The following PCDH9 variants were observed in gnomAD, a reference collection of about 807,000 sequenced individuals.
PCDH9 encodes protocadherin-9.
Under a neutral mutation model 70.6 loss-of-function variants are expected in PCDH9, and 24 were observed. The ratio of observed to expected loss-of-function variants is 0.34; its 90% CI spans 0.25 to 0.48. The LOEUF (loss-of-function observed/expected upper bound fraction) is 0.48. PCDH9 is among the 20% of genes least tolerant of loss of function. The pLI, the probability that PCDH9 is intolerant of heterozygous loss-of-function variation, is 0.99. For missense variants in PCDH9, 1,281 were observed against 1,503.6 expected (o/e 0.85, Z 2.45); for synonymous variants, 562 against 558.5 (o/e 1.01, Z -0.09).
At chr13:66,478,218 A>G (rs1958768841) in intron 4 of PCDH9, among the ~76,000 whole-genome samples, 1 of 152,174 alleles carries the variant, frequency 6.6e-6, no homozygotes, top group Non-Finnish European at 1.5e-5. Context: ...CAGTGAACTT[A>G]ATAAATGTTG....
chr13:66,576,483 C>A (rs1056876857), intron 4 of PCDH9, among the ~76,000 whole-genome samples: 4 of 151,988 alleles, frequency 2.6e-5, no homozygotes, highest in Admixed American at 6.6e-5. Context: ...GAGTCCTAAC[C>A]TTGGTAGATC....
intron 4 of PCDH9, among the ~76,000 whole-genome samples, chr13:66,627,611 T>C (rs2077515984): frequency 6.6e-6 from 1 of 152,116 alleles, no homozygotes; most frequent in Admixed American, 6.5e-5. Flanking sequence ...CCACTTTCTC[T>C]TTTCTCCCCT....
intron 4 of PCDH9, among the ~76,000 whole-genome samples, chr13:66,619,524 T>C (rs1046403638): frequency 1.3e-5 from 2 of 152,204 alleles, no homozygotes; most frequent in Non-Finnish European, 2.9e-5. Context: ...CTTGAAACTT[T>C]GCTAAATAAT....
chr13:66,987,375 G>A (rs1454915399), intron 2 of PCDH9, among the ~76,000 whole-genome samples: 2 of 151,934 alleles, frequency 1.3e-5, no homozygotes, highest in African/African-American at 4.8e-5. Flanking sequence ...GTGATCAGTG[G>A]CATCATTACA....
In PCDH9 at chr13:66,304,552, C is replaced by CT. The variant is rs1955427860; in HGVS notation, c.*102dup. On this transcript the variant is annotated 3_prime_UTR_variant, in exon 5 of 5. Coordinates refer to ENST00000377865, the MANE Select transcript of PCDH9 (RefSeq NM_203487.3). ...TAACACAAAGTTATAGGTATCCCTG[C>CT]TAGAAGGGGCATAGTTGTAGAGATC... The CT allele has an allele frequency of 3.4e-6, 3 of 886,832 alleles. No individual in the cohort carries two copies. In the Admixed American group the frequency reaches 6.6e-5, roughly 20 times the overall value. 54.9% of individuals were successfully genotyped at this position (886,832 alleles called of 1,614,324 possible).
chr13:66,609,209 T>A (rs115134655), intron 4 of PCDH9, among the ~76,000 whole-genome samples: 3,694 of 152,310 alleles, frequency 0.024, 154 homozygotes, highest in African/African-American at 0.084. Flanking sequence ...AATGTCTATC[T>A]GCCTGCAGTT....
At chr13:66,575,024 T>C (rs1409473093) in intron 4 of PCDH9, among the ~76,000 whole-genome samples, 1 of 151,826 alleles carries the variant, frequency 6.6e-6, no homozygotes, top group Non-Finnish European at 1.5e-5. Flanking sequence ...AATACAAAAA[T>C]TACCTGGGCA....
chr13:66,773,504 G>A (rs1487658729), intron 3 of PCDH9, among the ~76,000 whole-genome samples: 1 of 151,220 alleles, frequency 6.6e-6, no homozygotes, highest in Non-Finnish European at 1.5e-5. Flanking sequence ...GGTGGCGGGC[G>A]CCTGTAGTCC....
chr13:66,618,308 T>C (rs2077383468), intron 4 of PCDH9, among the ~76,000 whole-genome samples: 1 of 152,172 alleles, frequency 6.6e-6, no homozygotes, highest in East Asian at 1.9e-4. Context: ...AGCCTAACTT[T>C]AGTGTTATTA....
intron 2 of PCDH9, among the ~76,000 whole-genome samples, chr13:67,138,655 A>T (rs2087296076): frequency 6.6e-6 from 1 of 152,122 alleles, no homozygotes; most frequent in Non-Finnish European, 1.5e-5. Flanking sequence ...GGGCCTTTTG[A>T]GCTCCTATGC....
chr13:66,779,074 T>G (rs9564349), intron 3 of PCDH9, among the ~76,000 whole-genome samples: 56,627 of 151,912 alleles, frequency 0.37, 10,820 homozygotes, highest in East Asian at 0.57. Context: ...ATATTTCATA[T>G]TTTTAAATAT....
intron 2 of PCDH9, among the ~76,000 whole-genome samples, chr13:66,991,380 T>C (rs9317633): frequency 0.14 from 21,349 of 151,998 alleles, 1,855 homozygotes; most frequent in Non-Finnish European, 0.2. Context: ...ATGAATTATG[T>C]AGTCTTACCA....
chr13:66,943,838 A>G (rs1006993955), intron 2 of PCDH9, among the ~76,000 whole-genome samples: 1 of 152,132 alleles, frequency 6.6e-6, no homozygotes, highest in African/African-American at 2.4e-5. Flanking sequence ...GATGGCACCA[A>G]TATGGGCCAG....
intron 2 of PCDH9, among the ~76,000 whole-genome samples, chr13:66,987,642 A>G (rs944758540): frequency 6.6e-6 from 1 of 152,024 alleles, no homozygotes. Context: ...GAAGAATTGC[A>G]TAATTGCAAA....
chr13:66,982,823 A>G lies in PCDH9; in HGVS notation c.3037-79218T>C, dbSNP rs1027040390. 1.3e-5 allele frequency among the ~76,000 whole-genome samples: 2 copies of G among 152,226 alleles called. 1 individual carries two copies. The highest frequency in any genetic ancestry group is 1.3e-4 in the Admixed American group (2 of 15,282). On this transcript the variant is annotated intron_variant, in intron 2 of 4. Coordinates refer to ENST00000377865, the MANE Select transcript of PCDH9 (RefSeq NM_203487.3). ...TTGTTTCTTAATTTCAAACAGAATA[A>G]TTTTATAAATGTATTTTTCAAAATA...
At chr13:66,840,649 A>T (rs936889726) in intron 3 of PCDH9, among the ~76,000 whole-genome samples, 1 of 152,232 alleles carries the variant, frequency 6.6e-6, no homozygotes, top group Non-Finnish European at 1.5e-5. Context: ...TAAACTGTTG[A>T]GAGAATGGGA....
chr13:66,961,122 A>G (rs956124347), intron 2 of PCDH9, among the ~76,000 whole-genome samples: 2 of 152,224 alleles, frequency 1.3e-5, no homozygotes, highest in Admixed American at 1.3e-4. Flanking sequence ...TTTAAAAAAA[A>G]TACAGTTTAA....
chr13:67,162,684 G>A (rs1280014147), intron 2 of PCDH9, among the ~76,000 whole-genome samples: 1 of 152,098 alleles, frequency 6.6e-6, no homozygotes, highest in Non-Finnish European at 1.5e-5. Context: ...AGGAAGATAA[G>A]GTGCTTCAGA....
rs185915177 is a variant in PCDH9, at chr13:66,965,428, G to A, written c.3037-61823C>T. 2.0e-3 allele frequency among the ~76,000 whole-genome samples: 299 copies of A among 151,442 alleles called. 1 individual carries two copies. Among genetic ancestry groups the A allele is most frequent in the African/African-American group, 6.9e-3 (286 of 41,282 alleles). ...ATTTATCCAATTTTCATCTTTCCTC[G>A]CTAGCATTTCTGTGCCACTTTTTCT... is the stretch of plus-strand genomic sequence containing the variant. On this transcript the variant is annotated intron_variant, in intron 2 of 4. Transcript: ENST00000377865.
Sources: gnomAD v4.1 joint callset for allele counts (sites outside exome capture counted in the v4.1 genomes callset) on GRCh38, gnomAD v4.1.1 for gene constraint, MANE v1.5 for transcripts, NCBI Gene and HGNC (gene_info 2026-07-23, HGNC 2026-07-21) for gene names.